Variants in PARN observed in about 807,000 individuals in gnomAD.
PARN encodes poly(A)-specific ribonuclease PARN.
In PARN, 71 loss-of-function variants were observed where a neutral mutation model predicts 102.8. The ratio of observed to expected loss-of-function variants is 0.69; its 90% CI spans 0.57 to 0.84. PARN has a LOEUF of 0.84. Among genes scored for constraint, PARN ranks in the 40% least tolerant of loss-of-function variants. The pLI, the probability that PARN is intolerant of heterozygous loss-of-function variation, is 0.00. For missense variants in PARN, 782 were observed against 760.9 expected (o/e 1.03, Z -0.33); for synonymous variants, 261 against 252.9 (o/e 1.03, Z -0.30).
At chr16:14,479,477 C>T (rs1259396626) in intron 22 of PARN, among the ~76,000 whole-genome samples, 1 of 149,042 alleles carries the variant, frequency 6.7e-6, no homozygotes, top group Non-Finnish European at 1.5e-5. Context: ...AAGATCGCCA[C>T]AGTAAAAACT....
At chr16:14,473,686 T>C (rs768867277) in intron 22 of PARN, among the ~76,000 whole-genome samples, 18 of 152,100 alleles carry the variant, frequency 1.2e-4, no homozygotes, top group African/African-American at 4.3e-4. Context: ...AACACAGAGC[T>C]TCCTGGACTG....
At chr16:14,580,672 T>G (rs912818805) in intron 18 of PARN, among the ~76,000 whole-genome samples, 2 of 152,200 alleles carry the variant, frequency 1.3e-5, no homozygotes, top group East Asian at 1.9e-4. Context: ...GTTTTCTTTT[T>G]TTTTTTTAAG....
chr16:14,583,733 G>A (rs976295817), intron 16 of PARN, among the ~76,000 whole-genome samples: 2 of 152,084 alleles, frequency 1.3e-5, no homozygotes, highest in African/African-American at 4.8e-5. Context: ...CTAATGGCTC[G>A]CTAATCACCG....
At chr16:14,450,433 C>A (rs1961399350) in intron 22 of PARN, among the ~76,000 whole-genome samples, 1 of 152,110 alleles carries the variant, frequency 6.6e-6, no homozygotes, top group Admixed American at 6.5e-5. Context: ...AGGAAGAACC[C>A]TCTGAGGATA....
At chr16:14,594,326 A>G (rs1360376204) in intron 12 of PARN, among the ~76,000 whole-genome samples, 1 of 152,182 alleles carries the variant, frequency 6.6e-6, no homozygotes, top group Non-Finnish European at 1.5e-5. Flanking sequence ...CTCACACTAT[A>G]TGTGCAACAA....
chr16:14,604,145 C>T lies in PARN; in HGVS notation c.783+1G>A. ...CCCAAGAATTAACATAGCCCAATTA[C>T]CTGTTCTTTGGCATGTTTCTGCTGC... On this transcript the variant is annotated splice_donor_variant, in intron 11 of 23. Coordinates refer to ENST00000437198, the MANE Select transcript of PARN (RefSeq NM_002582.4). LOFTEE classifies it high-confidence loss of function. The T allele has an allele frequency of 3.2e-6, 5 of 1,584,424 alleles. No homozygotes were observed. The highest frequency in any genetic ancestry group is 4.3e-6 in the Non-Finnish European group (5 of 1,158,182).
chr16:14,528,620 T>TG (rs942690909), intron 21 of PARN, among the ~76,000 whole-genome samples: 11 of 152,096 alleles, frequency 7.2e-5, no homozygotes, highest in South Asian at 4.1e-4. Flanking sequence ...TAGACTGATG[T>TG]GGGGGGGAAA....
chr16:14,615,295 T>C (rs1044240180), intron 6 of PARN, among the ~76,000 whole-genome samples: 3 of 151,296 alleles, frequency 2.0e-5, no homozygotes, highest in Admixed American at 6.6e-5. Flanking sequence ...GTTTCTCTTC[T>C]TTTATGGGAA....
chr16:14,453,686 T>C (rs1011720306), intron 22 of PARN, among the ~76,000 whole-genome samples: 4 of 152,210 alleles, frequency 2.6e-5, no homozygotes, highest in Non-Finnish European at 4.4e-5. Flanking sequence ...GTGAATGAAA[T>C]CATACAATAT....
intron 23 of PARN, among the ~76,000 whole-genome samples, chr16:14,442,678 C>A (rs1162638781): frequency 1.4e-5 from 2 of 147,536 alleles, no homozygotes; most frequent in Non-Finnish European, 3.0e-5. Flanking sequence ...AGTGCAGTGG[C>A]ACCATCTGGG....
chr16:14,613,378 T>C (rs887444988), intron 6 of PARN, among the ~76,000 whole-genome samples: 2 of 151,136 alleles, frequency 1.3e-5, no homozygotes, highest in African/African-American at 2.4e-5. Flanking sequence ...TCCCAGCACT[T>C]TGGGAGGCTG....
At chr16:14,455,750 A>G (rs535602570) in intron 22 of PARN, among the ~76,000 whole-genome samples, 25 of 152,224 alleles carry the variant, frequency 1.6e-4, no homozygotes, top group Non-Finnish European at 3.1e-4. Context: ...CAATATGGTG[A>G]CAGTGACAAG....
At chr16:14,603,337 A>C (rs1301662767) in intron 11 of PARN, among the ~76,000 whole-genome samples, 1 of 152,156 alleles carries the variant, frequency 6.6e-6, no homozygotes, top group African/African-American at 2.4e-5. Flanking sequence ...GCTGTCTCCC[A>C]AAGTGGGTCA....
chr16:14,467,080 G>C (rs1021348318), intron 22 of PARN, among the ~76,000 whole-genome samples: 1 of 152,170 alleles, frequency 6.6e-6, no homozygotes, highest in African/African-American at 2.4e-5. Context: ...GAAATAAGAG[G>C]AAGCCATCAA....
At chr16:14,521,374 G>A (rs997890760) in intron 21 of PARN, among the ~76,000 whole-genome samples, 21 of 152,278 alleles carry the variant, frequency 1.4e-4, no homozygotes, top group Admixed American at 7.2e-4. Context: ...CCTCCAGCCC[G>A]GCAAATCTCT....
At chr16:14,598,544 T>C (rs1970666977) in intron 12 of PARN, among the ~76,000 whole-genome samples, 2 of 152,176 alleles carry the variant, frequency 1.3e-5, no homozygotes, top group African/African-American at 2.4e-5. Context: ...GTGCACAACA[T>C]GAGCAAATGG....
Position 14,551,724 on chromosome 16 carries a change from C to T in PARN, c.1480+297G>A, listed in dbSNP as rs188288853. Among the ~76,000 whole-genome samples the T allele has an allele frequency of 2.6e-5, 4 of 152,224 alleles. No individual in the cohort carries two copies. The East Asian group carries it at 7.7e-4, about 29-fold the overall frequency. ...TAATTTATTACAGGTACTTCTCATT[C>T]TCAAAGTAAATCTGCAACTCACTTC... On this transcript the variant is annotated intron_variant, in intron 21 of 23. Coordinates refer to ENST00000437198, the MANE Select transcript of PARN (RefSeq NM_002582.4).
At chr16:14,542,154 G>A (rs906853182) in intron 21 of PARN, among the ~76,000 whole-genome samples, 2 of 151,944 alleles carry the variant, frequency 1.3e-5, no homozygotes, top group African/African-American at 2.4e-5. Flanking sequence ...ACAGGTACAT[G>A]CCACCATGCC....
At chr16:14,457,929 T>TGG (rs1961760145) in intron 22 of PARN, among the ~76,000 whole-genome samples, 1 of 148,158 alleles carries the variant, frequency 6.7e-6, no homozygotes, top group Non-Finnish European at 1.5e-5. Context: ...GGTGTGTGTG[T>TGG]GGGTGTGTGT....
Sources: allele counts gnomAD v4.1 joint callset (sites outside exome capture counted in the v4.1 genomes callset), GRCh38; gene constraint gnomAD v4.1.1; transcripts MANE v1.5; gene names NCBI Gene and HGNC (gene_info 2026-07-23, HGNC 2026-07-21).